The following LNPEP variants were observed in gnomAD, a reference collection of about 807,000 sequenced individuals.
The protein encoded by LNPEP is leucyl and cystinyl aminopeptidase, also known as leucyl-cystinyl aminopeptidase.
A neutral mutation model predicts 120.6 loss-of-function variants in LNPEP; 64 were observed. The ratio of observed to expected loss-of-function variants is 0.53; its 90% CI spans 0.43 to 0.65. The LOEUF (loss-of-function observed/expected upper bound fraction) is 0.65. LNPEP is among the 30% of genes least tolerant of loss of function. LNPEP has a pLI of 0.00. For synonymous variants in LNPEP, 435 were observed against 425.4 expected (o/e 1.02, Z -0.28); for missense variants, 1,057 against 1,200.0 (o/e 0.88, Z 1.76).
At position 96,979,676 on chromosome 5, in the gene LNPEP, C is replaced by A; in HGVS notation, c.558C>A (p.Thr186=). 1 of 1,614,110 alleles carries A rather than the reference C, an allele frequency of 6.2e-7. No homozygotes were observed. Among genetic ancestry groups the A allele is most frequent in the Non-Finnish European group, 8.5e-7 (1 of 1,179,974 alleles). The stretch of plus-strand genomic sequence containing the variant: ...AACTCAGCCTACACCCGAACCTAAC[C>A]TCGATGACATTCAGGGGTTCTGTGA... ...RYELSLHPNL[T]SMTFRGSVTI... The change falls in exon 2 of 18, where the codon ACC becomes ACA. Residue 186 remains threonine (T), a synonymous_variant. Coordinates refer to ENST00000231368, the MANE Select transcript of LNPEP (RefSeq NM_005575.3).
intron 2 of LNPEP, among the ~76,000 whole-genome samples, chr5:96,981,077 C>T (rs934888379): frequency 2.6e-5 from 4 of 152,096 alleles, no homozygotes; most frequent in Non-Finnish European, 5.9e-5. Flanking sequence ...TTCTATAATG[C>T]CTATTATCCC....
chr5:96,941,484 A>T lies in LNPEP; in HGVS notation c.19+5310A>T, dbSNP rs564389580. 2.9e-3 allele frequency among the ~76,000 whole-genome samples: 434 copies of T among 152,154 alleles called. 1 individual carries two copies. Among genetic ancestry groups the T allele is most frequent in the Middle Eastern group, 0.01 (3 of 294 alleles). On this transcript the variant is annotated intron_variant, in intron 1 of 17. Coordinates refer to ENST00000231368, the MANE Select transcript of LNPEP (RefSeq NM_005575.3). ...GTCTTTTATTTATTTATTTATTATT[A>T]TTTTTTTAATTTGAATCCGTAGATA...
chr5:96,944,899 G>A (rs1203462703), intron 1 of LNPEP, among the ~76,000 whole-genome samples: 1 of 151,662 alleles, frequency 6.6e-6, no homozygotes, highest in Non-Finnish European at 1.5e-5. Flanking sequence ...TTGGCAGTTG[G>A]TCGAAATAAT....
chr5:96,979,678 C>T lies in LNPEP; in HGVS notation c.560C>T (p.Ser187Leu), dbSNP rs773478218. 21 of 1,613,928 alleles carry T rather than the reference C, an allele frequency of 1.3e-5. No homozygotes were observed. Among genetic ancestry groups the T allele is most frequent in the Admixed American group, 1.7e-5 (1 of 59,980 alleles). The change falls in exon 2 of 18, where the codon TCG becomes TTG. Residue 187 changes from serine to leucine, a missense_variant. Transcript: ENST00000231368. ...YELSLHPNLT[S>L]MTFRGSVTIS... ...CTCAGCCTACACCCGAACCTAACCT[C>T]GATGACATTCAGGGGTTCTGTGACA...
rs766551643 is a variant in LNPEP at position 96,979,250 on chromosome 5, G to A, written c.132G>A (p.Val44=). 3 of 1,613,908 alleles carry A rather than the reference G, an allele frequency of 1.9e-6. No homozygotes were observed. The highest frequency in any genetic ancestry group is 2.2e-5 in the South Asian group (2 of 91,080). The part of the protein sequence containing the change: ...PCLHPLEPDE[V]EYEPRGSRLL... ...TACATCCTCTAGAGCCTGATGAGGTGGAATATGAGCCCCGGGGTTCCCGAC... is the reference window on the plus strand; with the variant it reads ...TACATCCTCTAGAGCCTGATGAGGTAGAATATGAGCCCCGGGGTTCCCGAC... Residue 44 remains valine, a synonymous_variant, in exon 2 of 18, where the codon GTG becomes GTA. Transcript: ENST00000231368.
chr5:96,976,308 C>T (rs1024373866), intron 1 of LNPEP, among the ~76,000 whole-genome samples: 1 of 152,002 alleles, frequency 6.6e-6, no homozygotes, highest in African/African-American at 2.4e-5. Context: ...ATGTGATCTC[C>T]ATTTCTGAAA....
intron 1 of LNPEP, among the ~76,000 whole-genome samples, chr5:96,973,405 T>G (rs1389392848): frequency 1.3e-5 from 2 of 152,134 alleles, no homozygotes; most frequent in African/African-American, 4.8e-5. Flanking sequence ...TATATGATAC[T>G]TAGTCATCAC....
rs563119245 is a variant in LNPEP at position 97,015,908 on chromosome 5, T to A, written c.2376+813T>A. On this transcript the variant is annotated intron_variant, in intron 13 of 17. Coordinates refer to ENST00000231368, the MANE Select transcript of LNPEP (RefSeq NM_005575.3). The stretch of plus-strand genomic sequence containing the variant: ...TAAATCATTTTTTTAACATTTTTTT[T>A]ATTATACTTTAAGTTCTAGGGTACA... 2.2e-4 allele frequency among the ~76,000 whole-genome samples: 34 copies of A among 152,182 alleles called. 1 individual carries two copies. The highest frequency in any genetic ancestry group is 1.1e-3 in the Admixed American group (17 of 15,274).
At position 97,030,747 on chromosome 5, in the gene LNPEP, T is replaced by C. The variant is rs548608531; in HGVS notation, c.*2214T>C. The stretch of plus-strand genomic sequence containing the variant: ...AGAGATAACTCATGATCCATTGCTA[T>C]CTTTATTACTCAAAGGCTGTTCATT... On this transcript the variant is annotated 3_prime_UTR_variant, in exon 18 of 18. Transcript: ENST00000231368. 1.8e-4 allele frequency: 27 copies of C among 152,084 alleles called. No homozygotes were observed. Among genetic ancestry groups the C allele is most frequent in the African/African-American group, 5.5e-4 (23 of 41,462 alleles). 9.4% of individuals were successfully genotyped at this position (152,084 alleles called of 1,614,324 possible). A position where few individuals can be genotyped will look rare whatever the true frequency, so the allele number is the denominator to read the frequency against.
chr5:97,015,153 T>C, intron 13 of LNPEP, 58 bp downstream of exon 13: 2 of 1,267,832 alleles, frequency 1.6e-6, no homozygotes, highest in Non-Finnish European at 2.1e-6. Context: ...TTATTCATGG[T>C]TCCATTTTCA....
At chr5:96,962,422 A>T (rs937896292) in intron 1 of LNPEP, among the ~76,000 whole-genome samples, 3 of 152,212 alleles carry the variant, frequency 2.0e-5, no homozygotes, top group African/African-American at 7.2e-5. Context: ...TAGACAGCTG[A>T]TAATTTTTTG....
At chr5:96,966,637 TAA>T (rs1312203372) in intron 1 of LNPEP, among the ~76,000 whole-genome samples, 2 of 151,368 alleles carry the variant, frequency 1.3e-5, no homozygotes, top group East Asian at 3.9e-4. Context: ...TTCTCAAAGG[TAA>T]AATGTGGATA....
At chr5:96,965,427 G>C (rs1053591467) in intron 1 of LNPEP, among the ~76,000 whole-genome samples, 4 of 151,872 alleles carry the variant, frequency 2.6e-5, no homozygotes, top group African/African-American at 9.7e-5. Flanking sequence ...AAGGTATTAG[G>C]TTTTTCTTGC....
At chr5:96,954,594 G>T (rs1223815609) in intron 1 of LNPEP, among the ~76,000 whole-genome samples, 4 of 136,270 alleles carry the variant, frequency 2.9e-5, no homozygotes, top group African/African-American at 1.1e-4. Context: ...TCTCATTCTT[G>T]CAAGTCTCTC....
chr5:97,014,563 AAAG>A (rs1046923275), intron 12 of LNPEP, among the ~76,000 whole-genome samples: 5 of 146,908 alleles, frequency 3.4e-5, no homozygotes, highest in Admixed American at 6.6e-5. Flanking sequence ...AAAATTAAAA[AAAG>A]AAATCAGATA....
At chr5:96,943,419 T>G (rs1332449814) in intron 1 of LNPEP, among the ~76,000 whole-genome samples, 1 of 152,154 alleles carries the variant, frequency 6.6e-6, no homozygotes, top group Admixed American at 6.5e-5. Flanking sequence ...CCCGAGTAAC[T>G]GGGACCACAG....
chr5:96,952,847 A>G (rs1789355732), intron 1 of LNPEP, among the ~76,000 whole-genome samples: 1 of 151,992 alleles, frequency 6.6e-6, no homozygotes, highest in African/African-American at 2.4e-5. Context: ...GATCTCTTAG[A>G]CTAATCTTAG....
Position 96,936,122 on chromosome 5 carries a change from C to G in LNPEP, c.-34C>G. 6.6e-7 allele frequency: 1 copy of G among 1,513,896 alleles called. No homozygotes were observed. The allele number at this position is 1,513,896 out of a possible 1,614,324, so 93.8% of individuals were successfully genotyped here. A position where few individuals can be genotyped will look rare whatever the true frequency, so the allele number is the denominator to read the frequency against. Reference sequence around the variant, plus strand: ...CAGCTCTCGGAGTAGGAAGCTCGGGCGCTCCGGCTGTAAGGAGCCGCGGCG... The same window carrying G: ...CAGCTCTCGGAGTAGGAAGCTCGGGGGCTCCGGCTGTAAGGAGCCGCGGCG... On this transcript the variant is annotated 5_prime_UTR_variant, in exon 1 of 18. Transcript: ENST00000231368.
chr5:97,027,181 A>G (rs865978925), intron 16 of LNPEP, among the ~76,000 whole-genome samples: 2 of 152,006 alleles, frequency 1.3e-5, no homozygotes, highest in East Asian at 1.9e-4. Context: ...GTGAAACCCC[A>G]TTTCCACTAA....
Sources: allele counts gnomAD v4.1 joint callset (sites outside exome capture counted in the v4.1 genomes callset), GRCh38; gene constraint gnomAD v4.1.1; transcripts MANE v1.5; gene names NCBI Gene and HGNC (gene_info 2026-07-23, HGNC 2026-07-21).